Variants in C8orf89 observed in about 807,000 individuals in gnomAD.
C8orf89 encodes putative uncharacterized protein C8orf89.
C8orf89 carries 14 observed loss-of-function variants against 15.8 expected under a neutral mutation model. The ratio of observed to expected loss-of-function variants is 0.89; its 90% CI spans 0.59 to 1.39. The LOEUF (loss-of-function observed/expected upper bound fraction) is 1.39. Among genes scored for constraint, C8orf89 ranks in the 40% most tolerant of loss-of-function variants. The pLI is 0.00. For missense variants in C8orf89, 181 were observed against 184.5 expected (o/e 0.98, Z 0.11); for synonymous variants, 55 against 62.2 (o/e 0.88, Z 0.54).
At chr8:73,259,673 C>A (rs1468423896), upstream of C8orf89, among the ~76,000 whole-genome samples, 1 of 151,936 alleles carries the variant, frequency 6.6e-6, no homozygotes. Flanking sequence ...CAAGTTATCA[C>A]CTACAAGACA....
the C8orf89 span, among the ~76,000 whole-genome samples, chr8:73,279,729 T>C: frequency 2.6e-5 from 4 of 152,218 alleles, no homozygotes; most frequent in Admixed American, 1.3e-4. Context: ...AACCACACTA[T>C]GTGATTTCCA....
chr8:73,261,265 A>C (rs1813524382), upstream of C8orf89, among the ~76,000 whole-genome samples: 3 of 152,156 alleles, frequency 2.0e-5, no homozygotes, highest in Non-Finnish European at 4.4e-5. Context: ...TAATACAAGC[A>C]CATAAAAAGC....
intron 3 of C8orf89, among the ~76,000 whole-genome samples, chr8:73,243,918 A>G (rs958966532): frequency 4.6e-5 from 7 of 152,162 alleles, no homozygotes; most frequent in African/African-American, 1.4e-4. Context: ...ATAAAATTAC[A>G]TTGGTGCAAA....
At chr8:73,258,719 C>T (rs1030848084) in intron 1 of C8orf89, among the ~76,000 whole-genome samples, 3 of 151,358 alleles carry the variant, frequency 2.0e-5, no homozygotes, top group Admixed American at 2.0e-4. Flanking sequence ...GCCTCACCCT[C>T]TCCAGGCTCA....
chr8:73,278,741 C>T, the C8orf89 span, among the ~76,000 whole-genome samples: 22 of 152,114 alleles, frequency 1.4e-4, no homozygotes, highest in African/African-American at 5.1e-4. Flanking sequence ...TTCTCTAAGT[C>T]CTTATAAATC....
intron 3 of C8orf89, 128 bp downstream of exon 3, chr8:73,250,136 TAAAC>T: frequency 1.7e-6 from 1 of 595,946 alleles, no homozygotes; most frequent in Non-Finnish European, 2.9e-6. Context: ...GTTTATAAAA[TAAAC>T]AAAGCTTAAA....
At chr8:73,265,305 A>T in the C8orf89 span, among the ~76,000 whole-genome samples, 1 of 152,252 alleles carries the variant, frequency 6.6e-6, no homozygotes, top group African/African-American at 2.4e-5. Context: ...GATAGCAGAT[A>T]TCAGGTATTT....
chr8:73,275,494 T>A, the C8orf89 span, among the ~76,000 whole-genome samples: 1 of 152,122 alleles, frequency 6.6e-6, no homozygotes, highest in East Asian at 1.9e-4. Context: ...CACCTCAGCC[T>A]CCCAAAGTGC....
At chr8:73,251,797 G>C (rs998926126) in intron 2 of C8orf89, among the ~76,000 whole-genome samples, 1 of 152,094 alleles carries the variant, frequency 6.6e-6, no homozygotes. Context: ...CACGTGTATC[G>C]AAGGAAGGGT....
chr8:73,247,758 T>C (rs1235953524), intron 3 of C8orf89, among the ~76,000 whole-genome samples: 1 of 152,246 alleles, frequency 6.6e-6, no homozygotes, highest in Non-Finnish European at 1.5e-5. Context: ...GAAAAGTGTC[T>C]GTTCATGTCC....
chr8:73,256,602 C>T (rs1486042497), intron 2 of C8orf89, among the ~76,000 whole-genome samples: 1 of 151,588 alleles, frequency 6.6e-6, no homozygotes, highest in African/African-American at 2.4e-5. Context: ...GTGGCGGGCG[C>T]CTGTAATCCC....
chr8:73,269,262 A>C, the C8orf89 span, among the ~76,000 whole-genome samples: 1 of 152,242 alleles, frequency 6.6e-6, no homozygotes, highest in Non-Finnish European at 1.5e-5. Context: ...ATACTTAATA[A>C]TTGTCCTGTA....
rs192277770 is a variant in C8orf89, at chr8:73,250,258, G to A, written c.337+10C>T. On this transcript the variant is annotated intron_variant, in intron 3 of 3. Coordinates refer to ENST00000624510, the MANE Select transcript of C8orf89 (RefSeq NM_001243237.3). ...AGAGAGGTAGTAGAAAAAAGGACGA[G>A]TCAGCTTACCTTTTGATTTCTCCCA... 5.2e-6 allele frequency: 8 copies of A among 1,528,256 alleles called. No homozygotes were observed. In the East Asian group the frequency reaches 2.0e-4, roughly 37 times the overall value. The allele number at this position is 1,528,256 out of a possible 1,614,324, so 94.7% of individuals were successfully genotyped here. A position where few individuals can be genotyped will look rare whatever the true frequency, so the allele number is the denominator to read the frequency against.
the C8orf89 span, chr8:73,277,254 G>A: frequency 1.2e-5 from 6 of 493,596 alleles, no homozygotes; most frequent in Non-Finnish European, 1.8e-5. Context: ...TGAGAATAGA[G>A]TATAAATGGG....
intron 3 of C8orf89, among the ~76,000 whole-genome samples, chr8:73,245,674 C>G (rs1563529704): frequency 6.6e-6 from 1 of 151,860 alleles, no homozygotes; most frequent in Non-Finnish European, 1.5e-5. Context: ...AAAAGAGGAA[C>G]AGAATTACAG....
At chr8:73,285,242 T>G in the C8orf89 span, among the ~76,000 whole-genome samples, 1 of 152,130 alleles carries the variant, frequency 6.6e-6, no homozygotes, top group Non-Finnish European at 1.5e-5. Context: ...GGAGGGTCAA[T>G]CTGTAAGGGT....
At chr8:73,278,096 G>T in the C8orf89 span, 1 of 368,664 alleles carries the variant, frequency 2.7e-6, no homozygotes, top group Non-Finnish European at 5.1e-6. Context: ...GTGTGTGTCT[G>T]CCTGGTTCTG....
upstream of C8orf89, among the ~76,000 whole-genome samples, chr8:73,261,249 C>T (rs534442407): frequency 6.6e-6 from 1 of 152,180 alleles, no homozygotes; most frequent in East Asian, 1.9e-4. Context: ...TCTAGAGAAC[C>T]CTGACTAATA....
At chr8:73,251,068 G>T (rs1278827435) in intron 2 of C8orf89, among the ~76,000 whole-genome samples, 2 of 151,890 alleles carry the variant, frequency 1.3e-5, no homozygotes, top group Admixed American at 6.6e-5. Context: ...TCCCAAAATG[G>T]GTTTCCAAGC....
Sources: gnomAD v4.1 joint callset for allele counts (sites outside exome capture counted in the v4.1 genomes callset) on GRCh38, gnomAD v4.1.1 for gene constraint, MANE v1.5 for transcripts, NCBI Gene and HGNC (gene_info 2026-07-23, HGNC 2026-07-21) for gene names.